The following ATG4B variants were observed in gnomAD, a reference collection of about 807,000 sequenced individuals.
The protein encoded by ATG4B is cysteine protease ATG4B.
A neutral mutation model predicts 56.6 loss-of-function variants in ATG4B; 29 were observed. That is an observed-to-expected ratio of 0.51 (90% confidence interval 0.38 to 0.70). The LOEUF (loss-of-function observed/expected upper bound fraction) is 0.70. Among genes scored for constraint, ATG4B ranks in the 30% least tolerant of loss-of-function variants. The probability of loss-of-function intolerance (pLI) is 0.00; values close to 1 mark genes in which losing one functional copy is unlikely to be tolerated. For missense variants in ATG4B, 461 were observed against 515.5 expected, an observed-to-expected ratio of 0.89 and a Z score of 1.02; for synonymous variants, 224 against 206.1, an observed-to-expected ratio of 1.09 and a Z score of -0.74.
At chr2:241,642,392 T>TA (rs1575054902) in intron 1 of ATG4B, among the ~76,000 whole-genome samples, 2 of 151,954 alleles carry the variant, frequency 1.3e-5, no homozygotes, top group South Asian at 4.2e-4. Flanking sequence ...TCTTGGAGAT[T>TA]TAAAAAAAAG....
rs1379183248 is a variant in ATG4B, at chr2:241,637,707, C to G, written c.-8C>G. 3.8e-6 allele frequency: 6 copies of G among 1,583,482 alleles called. No homozygotes were observed. Among genetic ancestry groups the G allele is most frequent in the African/African-American group, 2.8e-5 (2 of 70,908 alleles). ...CCGCTCGGGTCAGTCGGCGGCCGGA[C>G]TGGGAAGATGGACGCAGGTGAGGAG... On this transcript the variant is annotated 5_prime_UTR_variant, in exon 1 of 13. Transcript: ENST00000404914.
intron 10 of ATG4B, among the ~76,000 whole-genome samples, chr2:241,669,478 T>C (rs1433770748): frequency 6.6e-6 from 1 of 151,856 alleles, no homozygotes; most frequent in African/African-American, 2.4e-5. Flanking sequence ...GTGGGGAACA[T>C]GGGCTGGAGC....
rs7421 is a variant in ATG4B, at chr2:241,672,519, T to C, written c.*255T>C. The stretch of plus-strand genomic sequence containing the variant: ...AGCCGTCTGTTAGGAGCTTCCAGAG[T>C]GTTCTCTCGACACTGCCAGCCCCGT... On this transcript the variant is annotated 3_prime_UTR_variant, in exon 13 of 13. Transcript: ENST00000404914. The C allele has an allele frequency of 0.63, 336,805 of 530,596 alleles. 108,190 individuals carry two copies. Among genetic ancestry groups the C allele is most frequent in the Middle Eastern group, 0.73 (1,417 of 1,944 alleles). The allele number at this position is 530,596 out of a possible 1,614,324, so 32.9% of individuals were successfully genotyped here.
At chr2:241,654,804 C>T (rs1351450484) in intron 5 of ATG4B, 157 bp downstream of exon 5, 3 of 644,462 alleles carry the variant, frequency 4.7e-6, no homozygotes, top group Non-Finnish European at 8.2e-6. Flanking sequence ...GCTGCTGTCA[C>T]ATCACCCCCG....
At chr2:241,660,336 T>C (rs1345534512) in intron 7 of ATG4B, among the ~76,000 whole-genome samples, 1 of 152,172 alleles carries the variant, frequency 6.6e-6, no homozygotes, top group East Asian at 1.9e-4. Flanking sequence ...CTTCCCTGCC[T>C]CTCCATTCTG....
At position 241,654,419 on chromosome 2, in the gene ATG4B, TAAAAAAAAA is replaced by T. The variant is rs201525288; in HGVS notation, c.284-112_284-104del. ...CTGGGTGAGAGAGCGAGACTCTGTTTAAAAAAAAAAAAAAAAAAAAAAAGATTCTGAAAA... is the reference window on the plus strand; with the variant it reads ...CTGGGTGAGAGAGCGAGACTCTGTTTAAAAAAAAAAAAAAGATTCTGAAAA... On this transcript the variant is annotated intron_variant, in intron 4 of 12. Transcript: ENST00000404914. 32 of 438,808 alleles carry T rather than the reference TAAAAAAAAA, an allele frequency of 7.3e-5. No individual in the cohort carries two copies. The East Asian group carries it at 8.1e-4, about 11-fold the overall frequency. 27.2% of individuals were successfully genotyped at this position (438,808 alleles called of 1,614,324 possible).
At chr2:241,640,297 A>G (rs142485372) in intron 1 of ATG4B, among the ~76,000 whole-genome samples, 1 of 152,354 alleles carries the variant, frequency 6.6e-6, no homozygotes, top group African/African-American at 2.4e-5. Context: ...GTCTCTGTTT[A>G]TGCTGATAAA....
intron 5 of ATG4B, 120 bp from the exon 6 acceptor site, chr2:241,655,151 C>G: frequency 1.1e-6 from 1 of 942,812 alleles, no homozygotes; most frequent in Non-Finnish European, 1.6e-6. Context: ...ATCCTTCCGT[C>G]TGGAGGCTGG....
At chr2:241,644,226 C>G (rs532116411) in intron 1 of ATG4B, among the ~76,000 whole-genome samples, 1 of 152,184 alleles carries the variant, frequency 6.6e-6, no homozygotes, top group East Asian at 1.9e-4. Context: ...GCCTGTAGTC[C>G]CAGCTACTCA....
At position 241,672,492 on chromosome 2, in the gene ATG4B, G is replaced by A. The variant is rs952286023; in HGVS notation, c.*228G>A. 3.8e-5 allele frequency: 22 copies of A among 574,624 alleles called. No individual in the cohort carries two copies. The highest frequency in any genetic ancestry group is 4.6e-4 in the Middle Eastern group (1 of 2,160). The allele number at this position is 574,624 out of a possible 1,614,324, so 35.6% of individuals were successfully genotyped here. A position where few individuals can be genotyped will look rare whatever the true frequency, so the allele number is the denominator to read the frequency against. On this transcript the variant is annotated 3_prime_UTR_variant, in exon 13 of 13. Coordinates refer to ENST00000404914, the MANE Select transcript of ATG4B (RefSeq NM_013325.5). ...CGTCAGGGCCTGTGCATCCGCACGC[G>A]GAGCCGTCTGTTAGGAGCTTCCAGA...
At chr2:241,646,270 T>A (rs2068057025) in intron 1 of ATG4B, among the ~76,000 whole-genome samples, 1 of 152,244 alleles carries the variant, frequency 6.6e-6, no homozygotes, top group Non-Finnish European at 1.5e-5. Context: ...GACCCTGCTT[T>A]CAGAGGGAGC....
rs1419572875 is a variant in ATG4B at position 241,673,263 on chromosome 2, C to G, written c.*999C>G. On this transcript the variant is annotated 3_prime_UTR_variant, in exon 13 of 13. Coordinates refer to ENST00000404914, the MANE Select transcript of ATG4B (RefSeq NM_013325.5). ...TCACCTGGTGGCATTTCCAGAACCT[C>G]AGCCCCGATTCCAGCACCCACCACC... 1 of 327,104 alleles carries G rather than the reference C, an allele frequency of 3.1e-6. No individual in the cohort carries two copies. Among genetic ancestry groups the G allele is most frequent in the East Asian group, 7.6e-5 (1 of 13,172 alleles). 20.3% of individuals were successfully genotyped at this position (327,104 alleles called of 1,614,324 possible). A position where few individuals can be genotyped will look rare whatever the true frequency, so the allele number is the denominator to read the frequency against.
intron 1 of ATG4B, among the ~76,000 whole-genome samples, chr2:241,640,876 G>A (rs1447463212): frequency 2.0e-5 from 3 of 152,098 alleles, no homozygotes; most frequent in Non-Finnish European, 4.4e-5. Flanking sequence ...GTGAGGACTC[G>A]GTGTTTATTC....
chr2:241,641,549 CAAAAA>C (rs774218463), intron 1 of ATG4B, among the ~76,000 whole-genome samples: 2 of 70,724 alleles, frequency 2.8e-5, no homozygotes, highest in Admixed American at 1.7e-4. Flanking sequence ...GACTCTGTCT[CAAAAA>C]AAAAAAAAAA....
In ATG4B at chr2:241,670,728, G is replaced by T; in HGVS notation, c.960G>T (p.Gly320=). 1 of 1,610,114 alleles carries T rather than the reference G, an allele frequency of 6.2e-7. No individual in the cohort carries two copies. The change falls in exon 11 of 13, where the codon GGG becomes GGT. Residue 320 remains glycine, a splice_region_variant and synonymous_variant. Coordinates refer to ENST00000404914, the MANE Select transcript of ATG4B (RefSeq NM_013325.5). Reference sequence around the variant, plus strand: ...TGCTCATCGTCATTTCGTTTTAGGGGTTTTTCTGTAAGACTGAAGATGACT... The same window carrying T: ...TGCTCATCGTCATTTCGTTTTAGGGTTTTTTCTGTAAGACTGAAGATGACT... ...IAELDPSIAV[G]FFCKTEDDFN...
chr2:241,641,820 G>A lies in ATG4B; in HGVS notation c.10+4096G>A, dbSNP rs923864494. On this transcript the variant is annotated intron_variant, in intron 1 of 12. Coordinates refer to ENST00000404914, the MANE Select transcript of ATG4B (RefSeq NM_013325.5). ...AAGAAAAGAGGCCAAAGGCCTCTGC[G>A]GGTGTGGAGAGGTCCAGGAGGTGGC... 2.7e-4 allele frequency among the ~76,000 whole-genome samples: 41 copies of A among 152,298 alleles called. No individual in the cohort carries two copies. In the South Asian group the frequency reaches 5.0e-3, roughly 18 times the overall value.
chr2:241,670,778 A>G lies in ATG4B; in HGVS notation c.1010A>G (p.Lys337Arg), dbSNP rs2068943040. The G allele has an allele frequency of 8.1e-6, 13 of 1,609,418 alleles. No individual in the cohort carries two copies. The highest frequency in any genetic ancestry group is 2.2e-5 in the East Asian group (1 of 44,736). ...TTCAATGATTGGTGCCAGCAAGTCA[A>G]AAAGGTTTGTAGCCGCCCCACACCC... Reference protein sequence around the residue: ...DDFNDWCQQVKKLSLLGGALP... With the variant: ...DDFNDWCQQVRKLSLLGGALP... The change falls in exon 11 of 13, where the codon AAA (lysine) becomes AGA (arginine). Residue 337 changes from lysine to arginine, a missense_variant. Transcript: ENST00000404914.
At chr2:241,652,777 T>G (rs566564110) in intron 3 of ATG4B, among the ~76,000 whole-genome samples, 2 of 152,270 alleles carry the variant, frequency 1.3e-5, no homozygotes, top group African/African-American at 4.8e-5. Flanking sequence ...GACACAGGGT[T>G]TATTGTCCGT....
intron 6 of ATG4B, among the ~76,000 whole-genome samples, chr2:241,657,628 A>G (rs1559261441): frequency 6.6e-6 from 1 of 152,126 alleles, no homozygotes; most frequent in African/African-American, 2.4e-5. Flanking sequence ...CAGTGGGCCC[A>G]TTCAAAATAT....
Sources: allele counts gnomAD v4.1 joint callset (sites outside exome capture counted in the v4.1 genomes callset), GRCh38; gene constraint gnomAD v4.1.1; transcripts MANE v1.5; gene names NCBI Gene and HGNC (gene_info 2026-07-23, HGNC 2026-07-21).